The following RRM1 variants were observed in gnomAD, a reference collection of about 807,000 sequenced individuals.
The protein encoded by RRM1 is ribonucleoside-diphosphate reductase large subunit.
In RRM1, 19 loss-of-function variants were observed where a neutral mutation model predicts 101.5. That is an observed-to-expected ratio of 0.19 (90% CI 0.13 to 0.27). RRM1 has a LOEUF of 0.27. RRM1 is among the 10% of genes least tolerant of loss of function. The probability of loss-of-function intolerance (pLI) is 1.00; values close to 1 mark genes in which losing one functional copy is unlikely to be tolerated. For missense variants in RRM1, 500 were observed against 962.9 expected (o/e 0.52, Z 6.36); for synonymous variants, 298 against 323.4 (o/e 0.92, Z 0.84).
intron 12 of RRM1, among the ~76,000 whole-genome samples, chr11:4,125,350 A>G (rs1465694887): frequency 1.3e-5 from 2 of 152,196 alleles, no homozygotes; most frequent in Non-Finnish European, 2.9e-5. Flanking sequence ...TGGACATTCC[A>G]TAGGAATGGA....
chr11:4,135,902 A>G (rs1160756757), intron 18 of RRM1, among the ~76,000 whole-genome samples: 1 of 150,780 alleles, frequency 6.6e-6, no homozygotes, highest in Non-Finnish European at 1.5e-5. Context: ...GACTGAGGAT[A>G]CTGAATAGAA....
At chr11:4,122,878 A>C (rs2094583916) in intron 11 of RRM1, among the ~76,000 whole-genome samples, 1 of 151,956 alleles carries the variant, frequency 6.6e-6, no homozygotes, top group Admixed American at 6.6e-5. Context: ...GTCTCAAAAA[A>C]AAAAAAAGGA....
At chr11:4,136,535 T>C (rs1254569933) in intron 18 of RRM1, among the ~76,000 whole-genome samples, 2 of 151,800 alleles carry the variant, frequency 1.3e-5, no homozygotes, top group Non-Finnish European at 2.9e-5. Flanking sequence ...TGTATTTTAT[T>C]TTATTTTAAT....
rs1390160765 is a variant in RRM1 at position 4,138,470 on chromosome 11, T to G, written c.*87T>G. 2.9e-6 allele frequency: 3 copies of G among 1,022,438 alleles called. No homozygotes were observed. Among genetic ancestry groups the G allele is most frequent in the Admixed American group, 7.0e-5 (2 of 28,400 alleles). The allele number at this position is 1,022,438 out of a possible 1,614,324, so 63.3% of individuals were successfully genotyped here. On this transcript the variant is annotated 3_prime_UTR_variant, in exon 19 of 19. Transcript: ENST00000300738. Reference sequence around the variant, plus strand: ...GGTATAGTGGGTTTGCTTGAGGTGGTAAGGCTTTGCTGGACCCTGTTGCAG... The same window carrying G: ...GGTATAGTGGGTTTGCTTGAGGTGGGAAGGCTTTGCTGGACCCTGTTGCAG...
rs2094562916 is a variant in RRM1, at chr11:4,109,719, C to T, written c.447+16C>T. 1.3e-6 allele frequency: 2 copies of T among 1,570,282 alleles called. No homozygotes were observed. The highest frequency in any genetic ancestry group is 1.8e-4 in the Middle Eastern group (1 of 5,632). The stretch of plus-strand genomic sequence containing the variant: ...CGGCTTTAAGGTAAATAATGGGTTT[C>T]AAGTATGTGGGAATTTATACTTAAA... On this transcript the variant is annotated intron_variant, in intron 5 of 18. Transcript: ENST00000300738.
chr11:4,103,623 T>G (rs2094554557), intron 2 of RRM1, among the ~76,000 whole-genome samples: 1 of 152,062 alleles, frequency 6.6e-6, no homozygotes, highest in Admixed American at 6.6e-5. Flanking sequence ...GGCAGATTGC[T>G]TGGGCTCAGG....
In RRM1 at chr11:4,132,539, G is replaced by A; in HGVS notation, c.1905+118G>A. 1.2e-6 allele frequency: 1 copy of A among 852,946 alleles called. No individual in the cohort carries two copies. Among genetic ancestry groups the A allele is most frequent in the Non-Finnish European group, 1.9e-6 (1 of 538,082 alleles). 52.8% of individuals were successfully genotyped at this position (852,946 alleles called of 1,614,324 possible). A position where few individuals can be genotyped will look rare whatever the true frequency, so the allele number is the denominator to read the frequency against. ...TAGTTTGGGTGCAAACTTTGATAAA[G>A]ACAGTCATCTTCATCTCTAATATTA... On this transcript the variant is annotated intron_variant, in intron 16 of 18. Coordinates refer to ENST00000300738, the MANE Select transcript of RRM1 (RefSeq NM_001033.5). The surrounding 1 kb of genome is among the most constrained non-coding windows in gnomAD (Gnocchi z 4.1).
At chr11:4,098,462 A>T (rs1034846264) in intron 1 of RRM1, among the ~76,000 whole-genome samples, 2 of 136,494 alleles carry the variant, frequency 1.5e-5, no homozygotes, top group African/African-American at 5.5e-5. Context: ...GCCTGCTAAT[A>T]TTATTTTACA....
chr11:4,107,079 G>C (rs2094559291), intron 3 of RRM1, among the ~76,000 whole-genome samples: 1 of 151,948 alleles, frequency 6.6e-6, no homozygotes, highest in Admixed American at 6.6e-5. Flanking sequence ...ATTTTTAGTA[G>C]AGACGGGTTT....
chr11:4,112,417 G>A (rs1263172118), intron 7 of RRM1, among the ~76,000 whole-genome samples: 1 of 151,858 alleles, frequency 6.6e-6, no homozygotes, highest in Non-Finnish European at 1.5e-5. Flanking sequence ...AGGCTGGAGC[G>A]CAGTGTTGCG....
chr11:4,132,548 C>T lies in RRM1; in HGVS notation c.1905+127C>T. The T allele has an allele frequency of 1.3e-6, 1 of 787,738 alleles. No homozygotes were observed. Among genetic ancestry groups the T allele is most frequent in the Non-Finnish European group, 2.1e-6 (1 of 486,432 alleles). The allele number at this position is 787,738 out of a possible 1,614,324, so 48.8% of individuals were successfully genotyped here. The stretch of plus-strand genomic sequence containing the variant: ...TGCAAACTTTGATAAAGACAGTCAT[C>T]TTCATCTCTAATATTATTATTTGTT... On this transcript the variant is annotated intron_variant, in intron 16 of 18. Transcript: ENST00000300738. The surrounding 1 kb of genome is among the most constrained non-coding windows in gnomAD (Gnocchi z 4.1).
chr11:4,107,172 G>A (rs912939202), intron 3 of RRM1, among the ~76,000 whole-genome samples: 2 of 152,300 alleles, frequency 1.3e-5, no homozygotes, highest in East Asian at 1.9e-4. Flanking sequence ...GATTACAGGC[G>A]TGAGCCACCG....
Position 4,106,030 on chromosome 11 carries a change from G to C in RRM1, c.109-16G>C. 1 of 1,601,284 alleles carries C rather than the reference G, an allele frequency of 6.2e-7. No homozygotes were observed. Among genetic ancestry groups the C allele is most frequent in the Non-Finnish European group, 8.5e-7 (1 of 1,175,202 alleles). On this transcript the variant is annotated splice_polypyrimidine_tract_variant and intron_variant, in intron 2 of 18. Transcript: ENST00000300738. ...TCTTGGGAAAGCTCAAGTAATTCTT[G>C]GTTTTATTTTTGTAGGCTCAGATCA... is the stretch of plus-strand genomic sequence containing the variant.
intron 7 of RRM1, among the ~76,000 whole-genome samples, chr11:4,115,392 G>A (rs1308465657): frequency 6.6e-6 from 1 of 151,920 alleles, no homozygotes; most frequent in African/African-American, 2.4e-5. Flanking sequence ...AGAAAGTGAT[G>A]TAAAGATGGA....
At chr11:4,135,296 T>A in intron 18 of RRM1, 26 bp downstream of exon 18, 1 of 1,511,390 alleles carries the variant, frequency 6.6e-7, no homozygotes. Context: ...CAAGGAGTAC[T>A]TAATTGCCAG....
intron 5 of RRM1, among the ~76,000 whole-genome samples, chr11:4,110,960 C>T (rs933812454): frequency 1.3e-5 from 2 of 151,962 alleles, no homozygotes; most frequent in African/African-American, 4.8e-5. Flanking sequence ...CTGTTACAGG[C>T]GCTTTTTAAG....
Position 4,108,054 on chromosome 11 carries a change from G to A in RRM1, c.387+519G>A, listed in dbSNP as rs186508468. Among the ~76,000 whole-genome samples, 10 of 152,236 alleles carry A rather than the reference G, an allele frequency of 6.6e-5. No homozygotes were observed. The East Asian group carries it at 1.9e-3, about 29-fold the overall frequency. On this transcript the variant is annotated intron_variant, in intron 4 of 18. Coordinates refer to ENST00000300738, the MANE Select transcript of RRM1 (RefSeq NM_001033.5). ...GATAAATCCCTTCAGTAGAATTGCT[G>A]AGCCAATGTGTATATGAATTCAAAA...
chr11:4,121,585 A>T lies in RRM1; in HGVS notation c.877-19A>T, dbSNP rs1321993702. On this transcript the variant is annotated intron_variant, in intron 9 of 18. Coordinates refer to ENST00000300738, the MANE Select transcript of RRM1 (RefSeq NM_001033.5). ...TTTCATTTTTATTCTGAAGAGAATT[A>T]TGATTTATTTACCACTAGCGTCCTG... The T allele has an allele frequency of 1.9e-6, 3 of 1,584,332 alleles. No homozygotes were observed. The South Asian group carries it at 3.5e-5, about 19-fold the overall frequency.
chr11:4,108,352 A>G (rs1463791343), intron 4 of RRM1, among the ~76,000 whole-genome samples: 1 of 152,144 alleles, frequency 6.6e-6, no homozygotes, highest in Admixed American at 6.5e-5. Context: ...TAATCCCAGC[A>G]CTTTGAGAGG....
Sources: gnomAD v4.1 joint callset for allele counts (sites outside exome capture counted in the v4.1 genomes callset) on GRCh38, gnomAD v4.1.1 for gene constraint, Gnocchi (gnomAD v3.1) non-coding constraint, MANE v1.5 for transcripts, NCBI Gene and HGNC (gene_info 2026-07-23, HGNC 2026-07-21) for gene names.